The following ARMCX4 variants were observed in gnomAD, a reference collection of about 807,000 sequenced individuals.
The protein encoded by ARMCX4 is armadillo repeat containing X-linked 4, also known as armadillo repeat-containing X-linked protein 4.
Under a neutral mutation model 34.7 loss-of-function variants are expected in ARMCX4, and 3 were observed. The ratio of observed to expected loss-of-function variants is 0.09; its 90% confidence interval spans 0.04 to 0.22. The LOEUF (loss-of-function observed/expected upper bound fraction) is 0.22. Ranked by LOEUF, ARMCX4 falls within the 10% of genes least tolerant of loss-of-function variation. ARMCX4 has a pLI of 1.00. For synonymous variants in ARMCX4, 513 were observed against 632.8 expected (o/e 0.81, Z 2.84); for missense variants, 1,448 against 1,720.8 (o/e 0.84, Z 2.81).
chrX:101,476,345 T>C (rs1280029815), intron 4 of ARMCX4, among the ~76,000 whole-genome samples: 1 of 109,353 alleles, frequency 9.1e-6, no homozygotes, highest in Non-Finnish European at 1.9e-5. Flanking sequence ...TGATTTCACA[T>C]TGCATACCTG....
chrX:101,530,931 A>G (rs5951349), intron 11 of ARMCX4, among the ~76,000 whole-genome samples: 59,478 of 111,009 alleles, frequency 0.54, 12,489 homozygotes, highest in Non-Finnish European at 0.68. Context: ...TAGCTGTTAC[A>G]CTAGTTTCCT....
intron 11 of ARMCX4, among the ~76,000 whole-genome samples, chrX:101,525,458 T>C (rs1934946060): frequency 9.0e-6 from 1 of 111,667 alleles, no homozygotes; most frequent in African/African-American, 3.3e-5. Flanking sequence ...TGAAGCGGGA[T>C]GGAGAATGAC....
intron 2 of ARMCX4, among the ~76,000 whole-genome samples, chrX:101,432,781 T>TAC (rs1555992509): frequency 1.6e-5 from 1 of 63,438 alleles, no homozygotes; most frequent in Non-Finnish European, 3.8e-5. Context: ...TATACATATA[T>TAC]GTATATACAC....
upstream of ARMCX4, among the ~76,000 whole-genome samples, chrX:101,483,903 C>T (rs1040913831): frequency 4.3e-4 from 48 of 111,217 alleles, no homozygotes; most frequent in Middle Eastern, 4.7e-3. Context: ...CTGGGGTGTC[C>T]TATTTCAATG....
chrX:101,489,255 G>T lies in ARMCX4; in HGVS notation c.666G>T (p.Met222Ile), dbSNP rs1569334953. The T allele has an allele frequency of 8.7e-7, 1 of 1,155,092 alleles. No homozygotes were observed. Reference protein sequence around the residue: ...TLAVPREVAKMGATNKTGIVD... With the variant: ...TLAVPREVAKIGATNKTGIVD... ...CAGTACCCAGGGAAGTGGCCAAGATGGGGGCCACGAACAAGACTGGAATTG... is the reference window on the plus strand; with the variant it reads ...CAGTACCCAGGGAAGTGGCCAAGATTGGGGCCACGAACAAGACTGGAATTG... The change falls in exon 6 of 6, where the codon ATG (methionine) becomes ATT (isoleucine). Residue 222 changes from methionine to isoleucine, a missense_variant. Physicochemically the swap from Met to Ile is conservative, Grantham distance 10 (BLOSUM62 1). This residue lies in a region of ARMCX4 where 1,343 missense variants were observed against 1,540.7 expected (regional missense o/e 0.87). Transcript: ENST00000423738.
chrX:101,458,838 C>G (rs187119069), intron 4 of ARMCX4, among the ~76,000 whole-genome samples: 1 of 111,231 alleles, frequency 9.0e-6, no homozygotes, highest in Non-Finnish European at 1.9e-5. Context: ...ATGATTTCCT[C>G]TTCTAAACAA....
At chrX:101,446,280 C>T (rs1304935706), downstream of ARMCX4, 1 of 111,431 alleles carries the variant, frequency 9.0e-6, no homozygotes, top group Non-Finnish European at 1.9e-5. Flanking sequence ...TTAATGGTCT[C>T]ATAAGCAAGT....
At position 101,462,991 on chromosome X, in the gene ARMCX4, C is replaced by T. The variant is rs143951681; in HGVS notation, c.-473+16947C>T. On this transcript the variant is annotated intron_variant and NMD_transcript_variant, in intron 4 of 15. Transcript: ENST00000433011. ...AAAGATCTGGCCGGTGCCAATAAGT[C>T]CAAGCCTTTCCCTCCTTTCCTCCTT... 6.0e-3 allele frequency among the ~76,000 whole-genome samples: 675 copies of T among 111,633 alleles called. 5 individuals carry two copies. The highest frequency in any genetic ancestry group is 0.021 in the African/African-American group (652 of 30,691).
intron 4 of ARMCX4, among the ~76,000 whole-genome samples, chrX:101,462,365 G>A (rs1206298620): frequency 9.0e-6 from 1 of 110,853 alleles, no homozygotes; most frequent in African/African-American, 3.3e-5. Flanking sequence ...TTTGTAGGCC[G>A]GCGCAGTGGC....
At chrX:101,456,820 G>A (rs1932313362) in intron 4 of ARMCX4, among the ~76,000 whole-genome samples, 1 of 109,910 alleles carries the variant, frequency 9.1e-6, no homozygotes, top group African/African-American at 3.3e-5. Flanking sequence ...GTTTAAAACA[G>A]GATTCAAAGT....
At chrX:101,438,563 C>A (rs925308790) in intron 2 of ARMCX4, among the ~76,000 whole-genome samples, 2 of 109,464 alleles carry the variant, frequency 1.8e-5, no homozygotes, top group Non-Finnish European at 3.8e-5. Context: ...AGATTCTGTT[C>A]CCCCCCCAAA....
At chrX:101,506,840 T>G (rs1366746223) in intron 8 of ARMCX4, among the ~76,000 whole-genome samples, 2 of 111,526 alleles carry the variant, frequency 1.8e-5, no homozygotes, top group African/African-American at 3.3e-5. Context: ...ACAGAAATCC[T>G]ACAGAACCTT....
chrX:101,495,801 G>GA lies in ARMCX4; in HGVS notation c.*345dup, dbSNP rs781802437. 6.8e-6 allele frequency: 1 copy of GA among 146,685 alleles called. No individual in the cohort carries two copies. Among genetic ancestry groups the GA allele is most frequent in the Non-Finnish European group, 1.4e-5 (1 of 71,783 alleles). The allele number at this position is 146,685 out of a possible 1,213,427, so 12.1% of individuals were successfully genotyped here. A position where few individuals can be genotyped will look rare whatever the true frequency, so the allele number is the denominator to read the frequency against. On this transcript the variant is annotated 3_prime_UTR_variant, in exon 6 of 6. Coordinates refer to ENST00000423738, the MANE Select transcript of ARMCX4 (RefSeq NM_001256155.3). ...ATAAAGTTGTGTGTTTTAAGCAGCAGAAAAAAGTCATTGTCCTTGTCCTTG... is the reference window on the plus strand; with the variant it reads ...ATAAAGTTGTGTGTTTTAAGCAGCAGAAAAAAAGTCATTGTCCTTGTCCTTG...
intron 11 of ARMCX4, among the ~76,000 whole-genome samples, chrX:101,527,171 A>G (rs1404037278): frequency 8.9e-6 from 1 of 112,489 alleles, no homozygotes; most frequent in Non-Finnish European, 1.9e-5. Flanking sequence ...ACTCAGGATT[A>G]AGAAACTCAC....
At chrX:101,456,056 G>T (rs1387689421) in intron 4 of ARMCX4, among the ~76,000 whole-genome samples, 1 of 111,193 alleles carries the variant, frequency 9.0e-6, no homozygotes, top group Non-Finnish European at 1.9e-5. Context: ...TCTTTATCCA[G>T]TCCACCGTTG....
chrX:101,522,721 A>G (rs1312059711), intron 11 of ARMCX4, among the ~76,000 whole-genome samples: 1 of 112,065 alleles, frequency 8.9e-6, no homozygotes, highest in African/African-American at 3.2e-5. Flanking sequence ...TCAAGTTCAT[A>G]TCAATGTCAA....
At position 101,524,632 on chromosome X, in the gene ARMCX4, T is replaced by G. The variant is rs782653651; in HGVS notation, c.*1781-7012T>G. Among the ~76,000 whole-genome samples, 6 of 111,958 alleles carry G rather than the reference T, an allele frequency of 5.4e-5. No individual in the cohort carries two copies. The East Asian group carries it at 1.4e-3, about 26-fold the overall frequency. ...CTAATACTGCACTTTTCCAATGGTC[T>G]TAGCAAACGGCACACCAGGAGATTA... On this transcript the variant is annotated intron_variant and NMD_transcript_variant, in intron 11 of 12. Coordinates refer to the ARMCX4 transcript ENST00000354842.
intron 7 of ARMCX4, among the ~76,000 whole-genome samples, chrX:101,501,301 T>C (rs1399756801): frequency 8.8e-6 from 1 of 113,047 alleles, no homozygotes; most frequent in East Asian, 2.8e-4. Flanking sequence ...AGACAGTCCT[T>C]ATGGTACTGA....
intron 7 of ARMCX4, among the ~76,000 whole-genome samples, chrX:101,502,823 T>A (rs1376359406): frequency 9.2e-6 from 1 of 109,024 alleles, no homozygotes; most frequent in Non-Finnish European, 1.9e-5. Flanking sequence ...TTAGGGTACA[T>A]GTGCACAATG....
Sources: gnomAD v4.1 joint callset for allele counts (sites outside exome capture counted in the v4.1 genomes callset) on GRCh38, gnomAD v4.1.1 for gene constraint, gnomAD v4.1.1 regional missense constraint, MANE v1.5 for transcripts, NCBI Gene and HGNC (gene_info 2026-07-23, HGNC 2026-07-21) for gene names.